ARHGAP6: variants seen among roughly 807,000 people sequenced by gnomAD.
ARHGAP6 encodes the protein rho GTPase-activating protein 6.
In ARHGAP6, 16 loss-of-function variants were observed where a neutral mutation model predicts 55.7. That is an observed-to-expected ratio of 0.29 (90% CI 0.19 to 0.44). The LOEUF (loss-of-function observed/expected upper bound fraction) is 0.44. ARHGAP6 is among the 20% of genes least tolerant of loss of function. The probability of loss-of-function intolerance (pLI) is 1.00; values close to 1 mark genes in which losing one functional copy is unlikely to be tolerated. For synonymous variants in ARHGAP6, 382 were observed against 360.9 expected (o/e 1.06, Z -0.66); for missense variants, 698 against 808.9 (o/e 0.86, Z 1.66).
intron 1 of ARHGAP6, among the ~76,000 whole-genome samples, chrX:11,325,528 G>C (rs1168302879): frequency 1.8e-5 from 2 of 111,779 alleles, no homozygotes; most frequent in African/African-American, 6.5e-5. Flanking sequence ...ATGCACAAAT[G>C]AGAAAAAACA....
rs1160225581 is a variant in ARHGAP6 at position 11,584,948 on chromosome X, A to C, written c.588+79293T>G. Among the ~76,000 whole-genome samples the C allele has an allele frequency of 2.7e-5, 3 of 111,674 alleles. No individual in the cohort carries two copies. The Admixed American group carries it at 2.9e-4, about 11-fold the overall frequency. ...CCACCCTCCACCCTCCACCCTCAGAAAGGCCTCAGTGCCTGTTGTTCCCCT... is the reference window on the plus strand; with the variant it reads ...CCACCCTCCACCCTCCACCCTCAGACAGGCCTCAGTGCCTGTTGTTCCCCT... On this transcript the variant is annotated intron_variant, in intron 1 of 12. Transcript: ENST00000337414.
chrX:11,594,270 A>AT (rs1454519669), intron 1 of ARHGAP6, among the ~76,000 whole-genome samples: 9 of 106,308 alleles, frequency 8.5e-5, no homozygotes, highest in Middle Eastern at 4.9e-3. Context: ...AATTCCTCCA[A>AT]TTTTTCATCA....
In ARHGAP6 at chrX:11,442,063, T is replaced by C. The variant is rs73500850; in HGVS notation, c.589-187356A>G. Reference sequence around the variant, plus strand: ...CTAGTACATCTTATGTATATAACTATTGGATTGAATATCTAGCTTTACAGT... The same window carrying C: ...CTAGTACATCTTATGTATATAACTACTGGATTGAATATCTAGCTTTACAGT... On this transcript the variant is annotated intron_variant, in intron 1 of 12. Coordinates refer to ENST00000337414, the MANE Select transcript of ARHGAP6 (RefSeq NM_013427.3). 6.8e-3 allele frequency among the ~76,000 whole-genome samples: 760 copies of C among 112,066 alleles called. 7 individuals are homozygous for C. The highest frequency in any genetic ancestry group is 0.023 in the African/African-American group (714 of 30,882).
chrX:11,556,957 T>C (rs2051325434), intron 1 of ARHGAP6, among the ~76,000 whole-genome samples: 1 of 111,963 alleles, frequency 8.9e-6, no homozygotes, highest in Admixed American at 9.5e-5. Context: ...ATATGTAGTT[T>C]TTCCTGCTTC....
chrX:11,249,720 G>A (rs2047398364), intron 2 of ARHGAP6, among the ~76,000 whole-genome samples: 1 of 111,981 alleles, frequency 8.9e-6, no homozygotes, highest in African/African-American at 3.2e-5. Context: ...ATATTAATTT[G>A]TAATAAAGTT....
At chrX:11,549,523 C>T (rs2051244990) in intron 1 of ARHGAP6, among the ~76,000 whole-genome samples, 2 of 111,842 alleles carry the variant, frequency 1.8e-5, no homozygotes, top group South Asian at 7.5e-4. Context: ...AATATGCAGC[C>T]AAGGTTTAGA....
At chrX:11,361,499 T>G (rs1190505524) in intron 1 of ARHGAP6, among the ~76,000 whole-genome samples, 1 of 110,712 alleles carries the variant, frequency 9.0e-6, no homozygotes, top group Non-Finnish European at 1.9e-5. Flanking sequence ...ATACAAAAAT[T>G]AATTCAAGAT....
intron 4 of ARHGAP6, among the ~76,000 whole-genome samples, chrX:11,186,999 T>C (rs1333281018): frequency 9.0e-6 from 1 of 110,760 alleles, no homozygotes; most frequent in Non-Finnish European, 1.9e-5. Flanking sequence ...ATCAAGCCTA[T>C]TATCATTGTG....
chrX:11,516,028 G>A (rs1451310837), intron 1 of ARHGAP6, among the ~76,000 whole-genome samples: 2 of 112,234 alleles, frequency 1.8e-5, no homozygotes, highest in Non-Finnish European at 3.8e-5. Flanking sequence ...GGCCATCAAG[G>A]TCTCCTGTCA....
chrX:11,474,105 G>A (rs189982954), intron 1 of ARHGAP6, among the ~76,000 whole-genome samples: 1 of 110,988 alleles, frequency 9.0e-6, no homozygotes, highest in African/African-American at 3.3e-5. Context: ...CCTCAGTAAA[G>A]GTTGATTGAG....
At chrX:11,628,985 G>GTT in intron 1 of ARHGAP6, among the ~76,000 whole-genome samples, 1 of 14,033 alleles carries the variant, frequency 7.1e-5, no homozygotes, top group African/African-American at 4.1e-4. Context: ...CTTCAGATAC[G>GTT]TGTGTGTGTG....
At chrX:11,320,437 T>C (rs2048417553) in intron 1 of ARHGAP6, among the ~76,000 whole-genome samples, 1 of 111,597 alleles carries the variant, frequency 9.0e-6, no homozygotes, top group African/African-American at 3.3e-5. Flanking sequence ...GGGGAAAGTT[T>C]CATATTCCAT....
At chrX:11,543,054 C>T (rs1202577763) in intron 1 of ARHGAP6, among the ~76,000 whole-genome samples, 1 of 111,829 alleles carries the variant, frequency 8.9e-6, no homozygotes, top group Admixed American at 9.4e-5. Flanking sequence ...AGTAATCAAA[C>T]ACAATAGCTT....
At chrX:11,538,812 T>G (rs1202019772) in intron 1 of ARHGAP6, among the ~76,000 whole-genome samples, 1 of 109,481 alleles carries the variant, frequency 9.1e-6, no homozygotes, top group African/African-American at 3.3e-5. Context: ...CAGAAAACTT[T>G]TTATTGTGGG....
chrX:11,361,758 C>G lies in ARHGAP6; in HGVS notation c.589-107051G>C, dbSNP rs144337654. ...GAAAATTTTTGCAACCTACTCATCT[C>G]ACAAAGGGCTAATATCCAGAATCTA... On this transcript the variant is annotated intron_variant, in intron 1 of 12. Transcript: ENST00000337414. 2.8e-3 allele frequency among the ~76,000 whole-genome samples: 312 copies of G among 111,053 alleles called. 1 individual carries two copies. Among genetic ancestry groups the G allele is most frequent in the African/African-American group, 9.0e-3 (276 of 30,499 alleles).
intron 1 of ARHGAP6, among the ~76,000 whole-genome samples, chrX:11,313,817 G>A (rs183350164): frequency 2.8e-4 from 31 of 112,109 alleles, no homozygotes; most frequent in African/African-American, 9.7e-4. Context: ...AGACAAGTAC[G>A]CTTTGATGAT....
At chrX:11,425,532 T>C (rs1298466312) in intron 1 of ARHGAP6, among the ~76,000 whole-genome samples, 1 of 111,988 alleles carries the variant, frequency 8.9e-6, no homozygotes, top group Non-Finnish European at 1.9e-5. Flanking sequence ...GGGTGACTTA[T>C]TCCAACCTGG....
intron 1 of ARHGAP6, among the ~76,000 whole-genome samples, chrX:11,280,023 G>A (rs1452981780): frequency 1.8e-5 from 2 of 111,286 alleles, no homozygotes; most frequent in Non-Finnish European, 3.8e-5. Flanking sequence ...CACAACTGAG[G>A]AGGAAAGTGC....
Position 11,564,930 on chromosome X carries a change from G to A in ARHGAP6, c.588+99311C>T, listed in dbSNP as rs191509930. On this transcript the variant is annotated intron_variant, in intron 1 of 12. Coordinates refer to ENST00000337414, the MANE Select transcript of ARHGAP6 (RefSeq NM_013427.3). ...CCTGGACAAATCTCATTGCCTCCTG[G>A]AGACTTTTTCCAAGGTTTGTCTCTG... is the stretch of plus-strand genomic sequence containing the variant. 2.3e-3 allele frequency among the ~76,000 whole-genome samples: 256 copies of A among 111,981 alleles called. 2 individuals carry two copies. Among genetic ancestry groups the A allele is most frequent in the African/African-American group, 7.8e-3 (241 of 30,856 alleles).
Sources: gnomAD v4.1 joint callset for allele counts (sites outside exome capture counted in the v4.1 genomes callset) on GRCh38, gnomAD v4.1.1 for gene constraint, MANE v1.5 for transcripts, NCBI Gene and HGNC (gene_info 2026-07-23, HGNC 2026-07-21) for gene names.